KDM4C: variants seen among roughly 807,000 people sequenced by gnomAD.
The protein encoded by KDM4C is lysine demethylase 4C.
Under a neutral mutation model 129.3 loss-of-function variants are expected in KDM4C, and 81 were observed. That is an observed-to-expected ratio of 0.63 (90% confidence interval 0.52 to 0.75). The LOEUF is 0.75. Ranked by LOEUF, KDM4C falls within the 30% of genes least tolerant of loss-of-function variation. KDM4C has a pLI of 0.00. For missense variants in KDM4C, 1,457 were observed against 1,304.0 expected (o/e 1.12, Z -1.81); for synonymous variants, 573 against 456.1 (o/e 1.26, Z -3.26).
chr9:7,094,016 T>A (rs1836118901), intron 17 of KDM4C, among the ~76,000 whole-genome samples: 1 of 152,262 alleles, frequency 6.6e-6, no homozygotes, highest in African/African-American at 2.4e-5. Flanking sequence ...TATCAGGTAC[T>A]GTGCTAAACC....
intron 17 of KDM4C, among the ~76,000 whole-genome samples, chr9:7,082,928 T>C (rs1834704096): frequency 6.6e-6 from 1 of 152,268 alleles, no homozygotes; most frequent in Admixed American, 6.5e-5. Flanking sequence ...TTTCTTTGTT[T>C]ACTATTGATA....
chr9:6,749,918 G>A (rs536238902), intron 1 of KDM4C, among the ~76,000 whole-genome samples: 6 of 150,420 alleles, frequency 4.0e-5, no homozygotes, highest in Non-Finnish European at 7.4e-5. Context: ...CCAGGGGGGC[G>A]GAGGTTGCAG....
At chr9:7,023,848 C>G (rs1825312853) in intron 15 of KDM4C, among the ~76,000 whole-genome samples, 1 of 152,090 alleles carries the variant, frequency 6.6e-6, no homozygotes, top group African/African-American at 2.4e-5. Context: ...TCATTTGTTT[C>G]AAGAAATGTT....
chr9:6,959,133 T>A (rs1829609053), intron 8 of KDM4C, among the ~76,000 whole-genome samples: 1 of 152,208 alleles, frequency 6.6e-6, no homozygotes, highest in Non-Finnish European at 1.5e-5. Flanking sequence ...ATGACTTAGC[T>A]TGATGTAGAT....
chr9:6,869,890 A>G (rs1842600722), intron 5 of KDM4C, among the ~76,000 whole-genome samples: 1 of 152,276 alleles, frequency 6.6e-6, no homozygotes, highest in Non-Finnish European at 1.5e-5. Flanking sequence ...TACTTTCCAC[A>G]GTTAACTAAC....
At chr9:6,724,554 G>T (rs958754977) in intron 1 of KDM4C, among the ~76,000 whole-genome samples, 4 of 151,970 alleles carry the variant, frequency 2.6e-5, no homozygotes, top group African/African-American at 7.3e-5. Flanking sequence ...TTTTTGAGAC[G>T]GATACTTGTT....
intron 8 of KDM4C, among the ~76,000 whole-genome samples, chr9:6,933,673 T>C (rs896994789): frequency 2.0e-5 from 3 of 152,202 alleles, no homozygotes; most frequent in Non-Finnish European, 2.9e-5. Flanking sequence ...TGTATAGTTC[T>C]AATACACATG....
At position 7,114,048 on chromosome 9, in the gene KDM4C, T is replaced by C. The variant is rs191106171; in HGVS notation, c.2610+10178T>C. ...AATGGTACATCCCAGGATGAACATA[T>C]GAAATTGCTGTTTTATAGGTTAAAA... On this transcript the variant is annotated intron_variant, in intron 18 of 21. Transcript: ENST00000381309. Among the ~76,000 whole-genome samples the C allele has an allele frequency of 7.0e-4, 107 of 152,320 alleles. 2 individuals carry two copies. Among genetic ancestry groups the C allele is most frequent in the Middle Eastern group, 6.8e-3 (2 of 294 alleles).
chr9:6,858,774 C>CG (rs941228339), intron 5 of KDM4C, among the ~76,000 whole-genome samples: 2 of 150,340 alleles, frequency 1.3e-5, no homozygotes, highest in Non-Finnish European at 3.0e-5. Context: ...TGTCTCCCCC[C>CG]CCGGCAAAAA....
At chr9:7,033,907 T>A (rs1418083454) in intron 15 of KDM4C, among the ~76,000 whole-genome samples, 7 of 152,016 alleles carry the variant, frequency 4.6e-5, no homozygotes, top group Non-Finnish European at 1.0e-4. Flanking sequence ...TCTTTTGCAA[T>A]GAGGAGAGAG....
At chr9:6,746,685 G>C (rs537437678) in intron 1 of KDM4C, among the ~76,000 whole-genome samples, 259 of 148,230 alleles carry the variant, frequency 1.7e-3, no homozygotes, top group African/African-American at 5.3e-3. Context: ...TTCCAGACTA[G>C]CCTGGGCAAC....
intron 12 of KDM4C, among the ~76,000 whole-genome samples, chr9:6,994,434 C>T (rs1415401319): frequency 5.9e-5 from 9 of 152,150 alleles, no homozygotes; most frequent in Admixed American, 5.2e-4. Flanking sequence ...CCACCTCTAC[C>T]GCCCATAGAC....
chr9:6,859,736 G>A (rs982069544), intron 5 of KDM4C, among the ~76,000 whole-genome samples: 1 of 151,306 alleles, frequency 6.6e-6, no homozygotes, highest in African/African-American at 2.4e-5. Context: ...CGTGGTTGCA[G>A]GCGCCTGTAG....
intron 1 of KDM4C, among the ~76,000 whole-genome samples, chr9:6,731,144 CAG>C (rs1482949106): frequency 6.6e-6 from 1 of 152,034 alleles, no homozygotes; most frequent in Non-Finnish European, 1.5e-5. Flanking sequence ...CACTGGGAAA[CAG>C]AACACTGTGG....
chr9:6,915,376 T>G (rs138840007), intron 8 of KDM4C, among the ~76,000 whole-genome samples: 230 of 152,354 alleles, frequency 1.5e-3, no homozygotes, highest in Non-Finnish European at 2.7e-3. Context: ...GACCTTCCTC[T>G]GAAGCAATCA....
intron 8 of KDM4C, chr9:6,941,917 C>G (rs1826019455): frequency 6.6e-6 from 1 of 152,054 alleles, no homozygotes. Context: ...CTCACAGTGT[C>G]TTAGAAATAT....
chr9:6,749,163 G>T (rs936736402), intron 1 of KDM4C, among the ~76,000 whole-genome samples: 1 of 152,190 alleles, frequency 6.6e-6, no homozygotes, highest in African/African-American at 2.4e-5. Context: ...GGGATTACAG[G>T]CATGCACCAC....
intron 11 of KDM4C, among the ~76,000 whole-genome samples, chr9:6,988,774 C>T (rs1818204132): frequency 6.6e-6 from 1 of 152,038 alleles, no homozygotes; most frequent in South Asian, 2.1e-4. Flanking sequence ...GCTATTCTTG[C>T]TCCCCCAGAT....
rs139890406 is a variant in KDM4C, at chr9:6,870,648, C to G, written c.630-9364C>G. Reference sequence around the variant, plus strand: ...ACTTTAGTGAAGGTAGAGGGCAAGTCAGGCATACAAGCTTATGCGAGGAAT... The same window carrying G: ...ACTTTAGTGAAGGTAGAGGGCAAGTGAGGCATACAAGCTTATGCGAGGAAT... On this transcript the variant is annotated intron_variant, in intron 5 of 21. Transcript: ENST00000381309. Among the ~76,000 whole-genome samples, 7 of 152,098 alleles carry G rather than the reference C, an allele frequency of 4.6e-5. No individual in the cohort carries two copies. In the East Asian group the frequency reaches 1.4e-3, roughly 29 times the overall value.
Sources: allele counts gnomAD v4.1 joint callset (sites outside exome capture counted in the v4.1 genomes callset), GRCh38; gene constraint gnomAD v4.1.1; transcripts MANE v1.5; gene names NCBI Gene and HGNC (gene_info 2026-07-23, HGNC 2026-07-21).